TANC1: variants seen among roughly 807,000 people sequenced by gnomAD.
The protein encoded by TANC1 is tetratricopeptide repeat, ankyrin repeat and coiled-coil containing 1, also known as protein TANC1.
Under a neutral mutation model 149.7 loss-of-function variants are expected in TANC1, and 77 were observed. The observed-to-expected ratio is 0.51, with a 90% confidence interval of 0.43 to 0.62. TANC1 has a LOEUF of 0.62. TANC1 is among the 20% of genes least tolerant of loss of function. The pLI, the probability that TANC1 is intolerant of heterozygous loss-of-function variation, is 0.00. For synonymous variants in TANC1, 854 were observed against 925.0 expected (o/e 0.92, Z 1.39); for missense variants, 1,985 against 2,321.8 (o/e 0.85, Z 2.98).
intron 3 of TANC1, among the ~76,000 whole-genome samples, chr2:159,080,139 C>T (rs1574514655): frequency 6.6e-6 from 1 of 152,290 alleles, no homozygotes; most frequent in Middle Eastern, 3.4e-3. Context: ...AGCTAAGTCC[C>T]AGGGCATCTG....
rs2040664753 is a variant in TANC1, at chr2:159,041,852, A to T, written c.-15-24044A>T. Among the ~76,000 whole-genome samples the T allele has an allele frequency of 2.0e-5, 3 of 152,182 alleles. No individual in the cohort carries two copies. The South Asian group carries it at 6.2e-4, about 32-fold the overall frequency. On this transcript the variant is annotated intron_variant, in intron 2 of 26. Transcript: ENST00000263635. ...CACCTCAGTTGGAAATGCAGAAATCACCTGTCTTCTGTGTCAGTCACGCTG... is the reference window on the plus strand; with the variant it reads ...CACCTCAGTTGGAAATGCAGAAATCTCCTGTCTTCTGTGTCAGTCACGCTG...
intron 19 of TANC1, among the ~76,000 whole-genome samples, chr2:159,206,982 C>A (rs1044627608): frequency 6.6e-6 from 1 of 152,172 alleles, no homozygotes; most frequent in Non-Finnish European, 1.5e-5. Context: ...CTTAGAAGAA[C>A]AAAGTCTGTA....
chr2:159,092,942 G>A (rs2045702741), intron 3 of TANC1, among the ~76,000 whole-genome samples: 2 of 152,140 alleles, frequency 1.3e-5, no homozygotes, highest in South Asian at 2.1e-4. Flanking sequence ...ACCGGTTGTG[G>A]GGAGGTTCTA....
Position 159,070,215 on chromosome 2 carries a change from G to A in TANC1, c.61+4244G>A, listed in dbSNP as rs181760763. ...AACCATCTAGCTCCTCCATAATTATGTAGACATTCCATTTAATCCCTAATG... is the reference window on the plus strand; with the variant it reads ...AACCATCTAGCTCCTCCATAATTATATAGACATTCCATTTAATCCCTAATG... On this transcript the variant is annotated intron_variant, in intron 3 of 26. Coordinates refer to ENST00000263635, the MANE Select transcript of TANC1 (RefSeq NM_033394.3). 3.6e-3 allele frequency among the ~76,000 whole-genome samples: 546 copies of A among 152,070 alleles called. 6 individuals carry two copies. The highest frequency in any genetic ancestry group is 0.012 in the African/African-American group (505 of 41,516).
At chr2:159,081,087 C>T (rs965663171) in intron 3 of TANC1, among the ~76,000 whole-genome samples, 5 of 152,196 alleles carry the variant, frequency 3.3e-5, no homozygotes, top group Non-Finnish European at 7.4e-5. Flanking sequence ...GCAGCTAGTC[C>T]ATAGCATGGC....
At chr2:159,148,839 C>A (rs2052450448) in intron 5 of TANC1, 2 of 219,362 alleles carry the variant, frequency 9.1e-6, no homozygotes, top group South Asian at 2.6e-4. Flanking sequence ...CTTTTCTTAC[C>A]CAAGCTGATG....
intron 9 of TANC1, 88 bp downstream of exon 9, chr2:159,169,460 A>G (rs879015728): frequency 5.8e-6 from 8 of 1,368,732 alleles, no homozygotes; most frequent in East Asian, 2.3e-5. Flanking sequence ...ATTGAAGCCA[A>G]CTGTGTTTAT....
At chr2:159,184,359 T>C (rs1223792509) in intron 14 of TANC1, among the ~76,000 whole-genome samples, 2 of 151,846 alleles carry the variant, frequency 1.3e-5, no homozygotes, top group African/African-American at 2.4e-5. Flanking sequence ...GGAGTATAGG[T>C]GGGGAGCAGT....
chr2:159,135,999 ATTTTGTGT>A (rs2050624521), intron 4 of TANC1, among the ~76,000 whole-genome samples, 187 bp from the exon 5 acceptor site: 2 of 115,980 alleles, frequency 1.7e-5, no homozygotes, highest in African/African-American at 6.7e-5. Flanking sequence ...CTGTACTGAA[ATTTTGTGT>A]GTGTGTGTGT....
At chr2:158,991,018 C>A (rs756643714) in intron 1 of TANC1, among the ~76,000 whole-genome samples, 3 of 139,736 alleles carry the variant, frequency 2.1e-5, no homozygotes, top group Non-Finnish European at 3.0e-5. Context: ...CTTGAGCCAG[C>A]GAGGTGGAGG....
intron 11 of TANC1, among the ~76,000 whole-genome samples, chr2:159,174,091 C>T (rs948077412): frequency 3.9e-5 from 6 of 152,322 alleles, no homozygotes; most frequent in Non-Finnish European, 5.9e-5. Context: ...GCTCTTGGCA[C>T]GAGTGTTTTG....
intron 1 of TANC1, among the ~76,000 whole-genome samples, chr2:158,989,449 T>TA (rs899108145): frequency 1.9e-4 from 28 of 145,218 alleles, no homozygotes; most frequent in South Asian, 4.4e-4. Flanking sequence ...TACTAAAAGT[T>TA]AAAAAAAAAA....
chr2:159,168,912 TGTG>T (rs2054889292), intron 8 of TANC1, among the ~76,000 whole-genome samples: 1 of 152,176 alleles, frequency 6.6e-6, no homozygotes, highest in Admixed American at 6.5e-5. Context: ...GCCACCTGCT[TGTG>T]GTGTTAAGTA....
chr2:159,225,631 T>C (rs1262143648), intron 23 of TANC1, 57 bp from the exon 24 acceptor site: 2 of 1,411,716 alleles, frequency 1.4e-6, no homozygotes, highest in Non-Finnish European at 1.0e-6. Context: ...CACGGAGGAA[T>C]TGGGATCCTT....
chr2:159,149,348 C>A, intron 6 of TANC1, 76 bp downstream of exon 6: 1 of 1,592,160 alleles, frequency 6.3e-7, no homozygotes, highest in Non-Finnish European at 8.6e-7. Flanking sequence ...TCTCCCTTTC[C>A]TTGAGCAGGG....
chr2:159,073,874 G>A (rs186508215), intron 3 of TANC1, among the ~76,000 whole-genome samples: 3 of 152,102 alleles, frequency 2.0e-5, no homozygotes, highest in East Asian at 1.9e-4. Flanking sequence ...GTGGGGAGAC[G>A]GGCTACAAAG....
intron 7 of TANC1, among the ~76,000 whole-genome samples, chr2:159,157,864 G>GCATT (rs1232955986): frequency 1.3e-5 from 2 of 152,160 alleles, no homozygotes; most frequent in Admixed American, 1.3e-4. Context: ...ACATTCCTGA[G>GCATT]CATTCATGAT....
rs142510805 is a variant in TANC1, at chr2:158,973,378, G to T, written c.-126+4596G>T. 5.4e-3 allele frequency among the ~76,000 whole-genome samples: 815 copies of T among 152,284 alleles called. 2 individuals are homozygous for T. The highest frequency in any genetic ancestry group is 8.7e-3 in the Non-Finnish European group (592 of 68,028). On this transcript the variant is annotated intron_variant, in intron 1 of 26. Coordinates refer to ENST00000263635, the MANE Select transcript of TANC1 (RefSeq NM_033394.3). ...GGAGATGGGGGTGGAGAGTAGGGAA[G>T]TCTCTCAGAAGCACTCAGCTGTGAC...
intron 19 of TANC1, among the ~76,000 whole-genome samples, chr2:159,214,181 G>T (rs368681478): frequency 9.3e-6 from 1 of 107,768 alleles, no homozygotes; most frequent in South Asian, 3.8e-4. Context: ...GTGGTTGGGT[G>T]GGGGGTGGGT....
Sources: allele counts gnomAD v4.1 joint callset (sites outside exome capture counted in the v4.1 genomes callset), GRCh38; gene constraint gnomAD v4.1.1; transcripts MANE v1.5; gene names NCBI Gene and HGNC (gene_info 2026-07-23, HGNC 2026-07-21).